Variants in RAD51C observed in about 807,000 individuals in gnomAD.
RAD51C encodes DNA repair protein RAD51 homolog 3.
RAD51C carries 42 observed loss-of-function variants against 45.0 expected under a neutral mutation model. The observed-to-expected ratio is 0.93, with a 90% CI of 0.73 to 1.21. The LOEUF is 1.21. RAD51C is among the 50% of genes most tolerant of loss of function. The pLI, the probability that RAD51C is intolerant of heterozygous loss-of-function variation, is 0.00. For synonymous variants in RAD51C, 172 were observed against 159.8 expected (o/e 1.08, Z -0.58); for missense variants, 474 against 452.2 (o/e 1.05, Z -0.44).
chr17:58,712,344 C>CAAAAAA (rs5821244), intron 5 of RAD51C, among the ~76,000 whole-genome samples: 24 of 83,038 alleles, frequency 2.9e-4, no homozygotes, highest in South Asian at 4.4e-4. Flanking sequence ...CACTCCATCT[C>CAAAAAA]AAAAAAAAAA....
chr17:58,712,050 A>G (rs2048573221), intron 5 of RAD51C, among the ~76,000 whole-genome samples: 1 of 151,976 alleles, frequency 6.6e-6, no homozygotes, highest in African/African-American at 2.4e-5. Context: ...AAAAAAATAC[A>G]TAAAATAAGA....
intron 7 of RAD51C, among the ~76,000 whole-genome samples, chr17:58,724,548 G>A (rs1040014127): frequency 1.3e-5 from 2 of 151,488 alleles, no homozygotes; most frequent in African/African-American, 2.4e-5. Flanking sequence ...TATATTTCTT[G>A]TATGAAATTG....
chr17:58,733,043 A>C (rs568450881), intron 8 of RAD51C, among the ~76,000 whole-genome samples: 1 of 151,888 alleles, frequency 6.6e-6, no homozygotes, highest in East Asian at 1.9e-4. Flanking sequence ...TTTGAGATGG[A>C]GTCTCTGCGT....
chr17:58,713,406 T>C (rs1374276735), intron 5 of RAD51C, among the ~76,000 whole-genome samples: 2 of 152,138 alleles, frequency 1.3e-5, no homozygotes, highest in African/African-American at 4.8e-5. Flanking sequence ...AGTGGCATGA[T>C]CTTGGTTCAC....
At chr17:58,695,436 C>A in intron 2 of RAD51C, 1 of 1,052,134 alleles carries the variant, frequency 9.5e-7, no homozygotes, top group Non-Finnish European at 1.2e-6. Context: ...TAAGGTTAAA[C>A]AGGAAGTTTC....
At chr17:58,718,640 A>G (rs1391310487) in intron 5 of RAD51C, among the ~76,000 whole-genome samples, 4 of 152,206 alleles carry the variant, frequency 2.6e-5, no homozygotes, top group Non-Finnish European at 4.4e-5. Flanking sequence ...GTGAGTTGCA[A>G]AGCAACACCT....
At chr17:58,715,314 TGTG>T (rs71367619) in intron 5 of RAD51C, among the ~76,000 whole-genome samples, 36,207 of 151,306 alleles carry the variant, frequency 0.24, 5,201 homozygotes, top group Middle Eastern at 0.41. Context: ...ATTAGCCAGT[TGTG>T]GTGGCAGGTG....
intron 7 of RAD51C, among the ~76,000 whole-genome samples, chr17:58,728,658 A>G (rs1292479572): frequency 1.3e-5 from 2 of 152,036 alleles, no homozygotes; most frequent in African/African-American, 4.8e-5. Context: ...TCGGCCTCCT[A>G]AAGTACTGGG....
intron 5 of RAD51C, among the ~76,000 whole-genome samples, chr17:58,710,317 TAAAAAAA>T (rs71143280): frequency 1.5e-5 from 1 of 67,416 alleles, no homozygotes; most frequent in Admixed American, 1.9e-4. Context: ...CTGTCTCTAC[TAAAAAAA>T]AAAAAAAAAA....
intron 3 of RAD51C, among the ~76,000 whole-genome samples, chr17:58,702,910 T>G (rs2048258965): frequency 6.6e-6 from 1 of 152,042 alleles, no homozygotes; most frequent in Admixed American, 6.6e-5. Flanking sequence ...ACGGATAGCA[T>G]TAGGAGATAT....
At chr17:58,731,815 G>A (rs1310145583) in intron 7 of RAD51C, among the ~76,000 whole-genome samples, 1 of 151,958 alleles carries the variant, frequency 6.6e-6, no homozygotes, top group African/African-American at 2.4e-5. Context: ...CAAACTCCTG[G>A]TCTCAAGTGA....
At position 58,729,003 on chromosome 17, in the gene RAD51C, A is replaced by T. The variant is rs146511278; in HGVS notation, c.966-3481A>T. On this transcript the variant is annotated intron_variant, in intron 7 of 8. Transcript: ENST00000337432. ...AATCAACACCCCCACACAGTGTTTC[A>T]TATGTGTGCTCAGTTTTAGAGCACA... is the stretch of plus-strand genomic sequence containing the variant. Among the ~76,000 whole-genome samples the T allele has an allele frequency of 1.3e-5, 2 of 152,156 alleles. No homozygotes were observed. Among genetic ancestry groups the T allele is most frequent in the Non-Finnish European group, 2.9e-5 (2 of 68,024 alleles).
rs1051122888 is a variant in RAD51C at position 58,734,977 on chromosome 17, C to T, written c.*755C>T. The T allele has an allele frequency of 2.0e-5, 3 of 152,084 alleles. No homozygotes were observed. The highest frequency in any genetic ancestry group is 4.8e-5 in the African/African-American group (2 of 41,394). 9.4% of individuals were successfully genotyped at this position (152,084 alleles called of 1,614,324 possible). On this transcript the variant is annotated 3_prime_UTR_variant, in exon 9 of 9. Transcript: ENST00000337432. ...TAAAAGAGAAGCCAGCACCATGAGT[C>T]AGCATATTATTCTGTTCAGTTTTAT...
chr17:58,731,981 TCAG>T (rs2049444730), intron 7 of RAD51C, among the ~76,000 whole-genome samples: 1 of 152,152 alleles, frequency 6.6e-6, no homozygotes, highest in African/African-American at 2.4e-5. Flanking sequence ...TCATAATTCT[TCAG>T]CAATAATTAA....
At chr17:58,718,239 C>T (rs1172629283) in intron 5 of RAD51C, among the ~76,000 whole-genome samples, 1 of 152,164 alleles carries the variant, frequency 6.6e-6, no homozygotes, top group Non-Finnish European at 1.5e-5. Context: ...CTCAGGTGAT[C>T]TACCTGCCTC....
At chr17:58,725,608 A>G (rs969681307) in intron 7 of RAD51C, among the ~76,000 whole-genome samples, 1 of 152,212 alleles carries the variant, frequency 6.6e-6, no homozygotes, top group Admixed American at 6.5e-5. Flanking sequence ...GTTAGCATTG[A>G]TAAGTTATCC....
At chr17:58,703,476 T>C in intron 4 of RAD51C, 147 bp downstream of exon 4, 1 of 791,990 alleles carries the variant, frequency 1.3e-6, no homozygotes, top group Non-Finnish European at 2.0e-6. Flanking sequence ...AATTTATTTA[T>C]ATTTATATTT....
intron 5 of RAD51C, among the ~76,000 whole-genome samples, chr17:58,717,089 G>A (rs1035191486): frequency 9.5e-5 from 14 of 146,846 alleles, no homozygotes; most frequent in African/African-American, 3.0e-4. Flanking sequence ...GTGAGCCACC[G>A]CACCTGGCTA....
chr17:58,732,176 T>G (rs778752168), intron 7 of RAD51C, among the ~76,000 whole-genome samples: 2 of 152,150 alleles, frequency 1.3e-5, no homozygotes, highest in African/African-American at 2.4e-5. Flanking sequence ...TACTTTCCTA[T>G]CTCATTGAAT....
Sources: allele counts gnomAD v4.1 joint callset (sites outside exome capture counted in the v4.1 genomes callset), GRCh38; gene constraint gnomAD v4.1.1; transcripts MANE v1.5; gene names NCBI Gene and HGNC (gene_info 2026-07-23, HGNC 2026-07-21).